Variants in LRTM3 observed in about 807,000 individuals in gnomAD.
LRTM3 encodes the protein leucine-rich repeat transmembrane protein 3.
the LRTM3 span, chr13:102,735,023 G>A: frequency 6.4e-7 from 1 of 1,550,958 alleles, no homozygotes; most frequent in African/African-American, 1.4e-5. Context: ...TGTTAATATT[G>A]GTATGCTTTC....
the LRTM3 span, among the ~76,000 whole-genome samples, chr13:102,753,494 TAAA>T: frequency 3.2e-5 from 4 of 124,436 alleles, no homozygotes; most frequent in Admixed American, 7.7e-5. Flanking sequence ...AAAGTAAAAT[TAAA>T]AAAAAAAAAA....
At chr13:102,739,608 A>T in the LRTM3 span, 4 of 1,550,430 alleles carry the variant, frequency 2.6e-6, no homozygotes, top group Non-Finnish European at 2.6e-6. Flanking sequence ...AGCAAAGGAA[A>T]TTCCTTTATA....
chr13:102,755,216 C>T, the LRTM3 span, among the ~76,000 whole-genome samples: 1 of 149,580 alleles, frequency 6.7e-6, no homozygotes, highest in African/African-American at 2.5e-5. Flanking sequence ...CTCCTCTCTG[C>T]CCCCCCAGCT....
At chr13:102,756,203 C>T in the LRTM3 span, among the ~76,000 whole-genome samples, 9 of 150,840 alleles carry the variant, frequency 6.0e-5, no homozygotes, top group Non-Finnish European at 1.3e-4. Flanking sequence ...CCGCCCACCT[C>T]AGCTTCCCAA....
the LRTM3 span, chr13:102,731,433 A>G: frequency 3.4e-5 from 52 of 1,551,192 alleles, 1 homozygote; most frequent in South Asian, 5.7e-4. Flanking sequence ...AGTGCTTTTG[A>G]CTCTAAATGA....
chr13:102,755,309 G>A, the LRTM3 span, among the ~76,000 whole-genome samples: 1 of 149,364 alleles, frequency 6.7e-6, no homozygotes, highest in Non-Finnish European at 1.5e-5. Flanking sequence ...CCATTCTGAT[G>A]CTTAGCTTCG....
the LRTM3 span, chr13:102,744,860 T>C: frequency 6.4e-7 from 1 of 1,550,784 alleles, no homozygotes; most frequent in Non-Finnish European, 8.7e-7. Context: ...GACAGTTGCT[T>C]GTAGATCTTT....
the LRTM3 span, chr13:102,738,208 T>C: frequency 1.3e-6 from 2 of 1,551,010 alleles, no homozygotes; most frequent in Non-Finnish European, 1.7e-6. Flanking sequence ...CTTTCTTAGC[T>C]GATATTTTTA....
chr13:102,758,366 C>T, the LRTM3 span: 1 of 1,373,928 alleles, frequency 7.3e-7, no homozygotes, highest in South Asian at 1.3e-5. Flanking sequence ...CACAACCAAC[C>T]TATTTCATTT....
the LRTM3 span, chr13:102,747,517 G>A: frequency 1.9e-6 from 3 of 1,550,628 alleles, 1 homozygote; most frequent in Non-Finnish European, 2.6e-6. Context: ...TAAGCAAGTG[G>A]TTATTGAAAG....
the LRTM3 span, chr13:102,730,595 G>T: frequency 6.4e-7 from 1 of 1,551,712 alleles, no homozygotes; most frequent in South Asian, 1.2e-5. Context: ...ACGGTCAGAA[G>T]CACACACAAG....
At chr13:102,748,490 G>T in the LRTM3 span, 2 of 1,550,980 alleles carry the variant, frequency 1.3e-6, no homozygotes, top group Non-Finnish European at 1.7e-6. Flanking sequence ...TGTACTGGTT[G>T]GTAACTCCTC....
chr13:102,731,674 A>G, the LRTM3 span: 6 of 1,551,264 alleles, frequency 3.9e-6, no homozygotes, highest in Non-Finnish European at 5.2e-6. Context: ...CACAAATGGG[A>G]AGTAAATGTT....
the LRTM3 span, chr13:102,744,533 A>G: frequency 1.9e-6 from 3 of 1,550,494 alleles, no homozygotes; most frequent in African/African-American, 2.7e-5. Flanking sequence ...GTATCCAGAA[A>G]TAGGCTCTAA....
chr13:102,735,487 C>T, the LRTM3 span: 3 of 1,551,290 alleles, frequency 1.9e-6, no homozygotes, highest in African/African-American at 1.4e-5. Context: ...TAATGCTTGG[C>T]AGTCCTTTAA....
At chr13:102,735,726 C>G in the LRTM3 span, 6 of 1,550,226 alleles carry the variant, frequency 3.9e-6, no homozygotes, top group Middle Eastern at 1.7e-4. Flanking sequence ...TGCAGTGACT[C>G]AGTATATGCT....
At chr13:102,739,019 T>A in the LRTM3 span, 2 of 1,550,514 alleles carry the variant, frequency 1.3e-6, no homozygotes, top group Non-Finnish European at 1.7e-6. Context: ...TTCCATTGTA[T>A]CTGATAATTC....
At chr13:102,730,866 G>C in the LRTM3 span, 1 of 1,551,460 alleles carries the variant, frequency 6.4e-7, no homozygotes, top group Non-Finnish European at 8.7e-7. Flanking sequence ...ATTTGATGGA[G>C]AGATTTCTCC....
chr13:102,739,381 C>G, the LRTM3 span: 1 of 1,550,282 alleles, frequency 6.5e-7, no homozygotes, highest in Non-Finnish European at 8.7e-7. Context: ...TATTAATTGA[C>G]TCTGCAGATG....
Sources: allele counts gnomAD v4.1 joint callset (sites outside exome capture counted in the v4.1 genomes callset), GRCh38; gene constraint gnomAD v4.1.1; transcripts MANE v1.5; gene names NCBI Gene and HGNC (gene_info 2026-07-23, HGNC 2026-07-21).